The following GPC3 variants were observed in gnomAD, a reference collection of about 807,000 sequenced individuals.
The protein encoded by GPC3 is glypican-3.
Under a neutral mutation model 34.4 loss-of-function variants are expected in GPC3, and 3 were observed. The observed-to-expected ratio is 0.09, with a 90% CI of 0.04 to 0.23. GPC3 has a LOEUF of 0.23. Ranked by LOEUF, GPC3 falls within the 10% of genes least tolerant of loss-of-function variation. The pLI is 1.00. For synonymous variants in GPC3, 177 were observed against 174.0 expected (o/e 1.02, Z -0.13); for missense variants, 351 against 445.6 (o/e 0.79, Z 1.91).
At chrX:133,940,565 T>C (rs1317313732) in intron 2 of GPC3, among the ~76,000 whole-genome samples, 1 of 111,690 alleles carries the variant, frequency 9.0e-6, no homozygotes, top group Non-Finnish European at 1.9e-5. Context: ...GTAAGATTAG[T>C]TAACTTTATT....
chrX:133,942,370 CA>C (rs1438625169), intron 2 of GPC3, among the ~76,000 whole-genome samples: 1 of 111,679 alleles, frequency 9.0e-6, no homozygotes, highest in Admixed American at 9.5e-5. Context: ...TTACTGAAAG[CA>C]ACCTTCATTT....
At chrX:133,618,315 A>AT (rs1391128701) in intron 6 of GPC3, among the ~76,000 whole-genome samples, 3 of 111,927 alleles carry the variant, frequency 2.7e-5, no homozygotes, top group Admixed American at 9.5e-5. Context: ...TATAAGACAG[A>AT]TTTTTTTCTT....
chrX:133,844,802 T>C, intron 2 of GPC3, among the ~76,000 whole-genome samples: 1 of 111,808 alleles, frequency 8.9e-6, no homozygotes, highest in East Asian at 2.8e-4. Context: ...AATAACAGCA[T>C]ATAAGGAAAA....
At chrX:133,837,210 G>A (rs1407779367) in intron 2 of GPC3, among the ~76,000 whole-genome samples, 2 of 111,241 alleles carry the variant, frequency 1.8e-5, no homozygotes, top group South Asian at 3.8e-4. Flanking sequence ...TGTGGGTACC[G>A]GGGCTCAGAG....
chrX:133,690,932 G>C (rs1000870974), intron 5 of GPC3, among the ~76,000 whole-genome samples: 1 of 111,612 alleles, frequency 9.0e-6, no homozygotes, highest in African/African-American at 3.3e-5. Flanking sequence ...ACTCTTTGTG[G>C]TTTCCTAAGC....
chrX:133,873,238 G>C (rs1245549042), intron 2 of GPC3, among the ~76,000 whole-genome samples: 5 of 111,864 alleles, frequency 4.5e-5, no homozygotes, highest in Non-Finnish European at 9.4e-5. Context: ...TACTACAAAA[G>C]TTAAACTCAA....
At chrX:133,966,105 CTAA>C (rs1368366078) in intron 1 of GPC3, among the ~76,000 whole-genome samples, 4 of 112,245 alleles carry the variant, frequency 3.6e-5, no homozygotes, top group South Asian at 3.7e-4. Flanking sequence ...GCAAAAAATA[CTAA>C]TAATATTGTC....
intron 2 of GPC3, among the ~76,000 whole-genome samples, chrX:133,880,283 A>G (rs922692213): frequency 2.7e-5 from 3 of 112,120 alleles, no homozygotes; most frequent in African/African-American, 9.7e-5. Context: ...CCTCAACAAC[A>G]TTCACTTGAA....
At chrX:133,885,806 C>T (rs779831546) in intron 2 of GPC3, among the ~76,000 whole-genome samples, 7 of 111,801 alleles carry the variant, frequency 6.3e-5, no homozygotes, top group Non-Finnish European at 1.3e-4. Flanking sequence ...TGTTTTGTAA[C>T]ACACCAGTAG....
chrX:133,826,283 A>G (rs1244823726), intron 2 of GPC3, among the ~76,000 whole-genome samples: 1 of 112,068 alleles, frequency 8.9e-6, no homozygotes, highest in Non-Finnish European at 1.9e-5. Context: ...AAGCACATCT[A>G]AAGAACTAAA....
At chrX:133,815,708 G>A (rs1331500887) in intron 2 of GPC3, among the ~76,000 whole-genome samples, 1 of 112,099 alleles carries the variant, frequency 8.9e-6, no homozygotes, top group Non-Finnish European at 1.9e-5. Context: ...ACATCCCATA[G>A]GGAGAGACCA....
chrX:133,766,286 T>C (rs753125241), intron 2 of GPC3, among the ~76,000 whole-genome samples: 7 of 112,195 alleles, frequency 6.2e-5, no homozygotes, highest in African/African-American at 2.3e-4. Context: ...ATACATTTTT[T>C]CCATTTAATA....
In GPC3 at chrX:133,535,852, AAAC is replaced by A; in HGVS notation, c.*269_*271del. On this transcript the variant is annotated 3_prime_UTR_variant, in exon 8 of 8. Transcript: ENST00000370818. The stretch of plus-strand genomic sequence containing the variant: ...ACATGGTAACCATGTTCTAGCAGCC[AAAC>A]ATAGGAGAATAATTTGGCACAACTT... The A allele has an allele frequency of 1.1e-5, 4 of 353,782 alleles. No homozygotes were observed. In the South Asian group the frequency reaches 2.6e-4, roughly 23 times the overall value. The allele number at this position is 353,782 out of a possible 1,213,427, so 29.2% of individuals were successfully genotyped here.
intron 2 of GPC3, among the ~76,000 whole-genome samples, chrX:133,762,285 A>T (rs2071800629): frequency 8.9e-6 from 1 of 112,231 alleles, no homozygotes; most frequent in Non-Finnish European, 1.9e-5. Context: ...CTCTTGGTTG[A>T]CATTCTGGAC....
chrX:133,893,413 ATTTTTAT>A (rs2076096973), intron 2 of GPC3, among the ~76,000 whole-genome samples: 1 of 110,383 alleles, frequency 9.1e-6, no homozygotes. Flanking sequence ...TCTTCACTCT[ATTTTTAT>A]TTTTTATTTT....
intron 2 of GPC3, among the ~76,000 whole-genome samples, chrX:133,885,419 C>T (rs778685992): frequency 1.8e-5 from 2 of 111,472 alleles, no homozygotes; most frequent in Non-Finnish European, 3.8e-5. Flanking sequence ...AAAGGTATCT[C>T]GGCAGCAAAA....
chrX:133,672,593 C>T (rs1362315877), intron 5 of GPC3, among the ~76,000 whole-genome samples: 3 of 112,522 alleles, frequency 2.7e-5, no homozygotes, highest in Non-Finnish European at 5.6e-5. Flanking sequence ...TAGGACCAGA[C>T]ATTTTCTTGT....
At chrX:133,613,082 C>T (rs1403534627) in intron 6 of GPC3, among the ~76,000 whole-genome samples, 1 of 111,155 alleles carries the variant, frequency 9.0e-6, no homozygotes, top group African/African-American at 3.3e-5. Flanking sequence ...AAGAAAAAGG[C>T]TTTGGTACCT....
chrX:133,961,518 A>T (rs766651113), intron 1 of GPC3, among the ~76,000 whole-genome samples: 3 of 112,102 alleles, frequency 2.7e-5, no homozygotes, highest in African/African-American at 9.7e-5. Flanking sequence ...CCAGTGGTCA[A>T]CATGTGCTCT....
Sources: allele counts gnomAD v4.1 joint callset (sites outside exome capture counted in the v4.1 genomes callset), GRCh38; gene constraint gnomAD v4.1.1; transcripts MANE v1.5; gene names NCBI Gene and HGNC (gene_info 2026-07-23, HGNC 2026-07-21).